Variants in JAM3 observed in about 807,000 individuals in gnomAD.
The protein encoded by JAM3 is junctional adhesion molecule 3.
In JAM3, 31 loss-of-function variants were observed where a neutral mutation model predicts 39.4. That is an observed-to-expected ratio of 0.79 (90% CI 0.59 to 1.06). JAM3 has a LOEUF of 1.06. Ranked by LOEUF, JAM3 falls within the 50% of genes least tolerant of loss-of-function variation. JAM3 has a pLI of 0.00. For synonymous variants in JAM3, 182 were observed against 148.7 expected (o/e 1.22, Z -1.63); for missense variants, 455 against 391.4 (o/e 1.16, Z -1.37).
intron 1 of JAM3, among the ~76,000 whole-genome samples, chr11:134,138,611 A>G (rs1006764852): frequency 1.3e-5 from 2 of 152,164 alleles, no homozygotes; most frequent in African/African-American, 4.8e-5. Flanking sequence ...TTTGAAGGAG[A>G]AGTAGAAGGG....
At chr11:134,084,080 T>C (rs1941708867) in intron 1 of JAM3, among the ~76,000 whole-genome samples, 1 of 152,242 alleles carries the variant, frequency 6.6e-6, no homozygotes, top group Admixed American at 6.5e-5. Context: ...ATTTGTAGCA[T>C]GGTCTTTGGC....
chr11:134,095,112 G>C (rs1941953611), intron 1 of JAM3, among the ~76,000 whole-genome samples: 1 of 152,150 alleles, frequency 6.6e-6, no homozygotes, highest in South Asian at 2.1e-4. Flanking sequence ...AAAACTGTCA[G>C]CATTAGGTCT....
intron 1 of JAM3, among the ~76,000 whole-genome samples, chr11:134,090,749 G>C (rs890635698): frequency 6.6e-6 from 1 of 152,016 alleles, no homozygotes; most frequent in South Asian, 2.1e-4. Context: ...AACTACTAAA[G>C]TGTTGGAAAC....
At chr11:134,088,886 T>A (rs998979534) in intron 1 of JAM3, among the ~76,000 whole-genome samples, 1 of 152,274 alleles carries the variant, frequency 6.6e-6, no homozygotes, top group Middle Eastern at 3.4e-3. Flanking sequence ...GCCTCCCAGG[T>A]TCAAGCGATT....
At chr11:134,125,484 T>C (rs1942631665) in intron 1 of JAM3, among the ~76,000 whole-genome samples, 1 of 152,212 alleles carries the variant, frequency 6.6e-6, no homozygotes, top group Admixed American at 6.5e-5. Context: ...TTTAATATTG[T>C]ATTTCTTCTT....
chr11:134,129,634 T>G (rs955323579), intron 1 of JAM3, among the ~76,000 whole-genome samples: 4 of 152,238 alleles, frequency 2.6e-5, no homozygotes, highest in Admixed American at 1.3e-4. Context: ...TCTTCAGTTA[T>G]TGGTGAAAGA....
intron 1 of JAM3, among the ~76,000 whole-genome samples, chr11:134,112,769 C>T (rs1942341788): frequency 6.6e-6 from 1 of 152,196 alleles, no homozygotes; most frequent in East Asian, 1.9e-4. Context: ...AGTACATGCT[C>T]TTACTCGTTT....
intron 1 of JAM3, among the ~76,000 whole-genome samples, chr11:134,087,972 T>G (rs546281733): frequency 6.6e-6 from 1 of 152,198 alleles, no homozygotes; most frequent in Non-Finnish European, 1.5e-5. Context: ...ATCCCAGTTA[T>G]GGCAGCCAAA....
chr11:134,145,541 T>G (rs964520533), intron 5 of JAM3: 1 of 324,676 alleles, frequency 3.1e-6, no homozygotes, highest in African/African-American at 2.1e-5. Context: ...CACACCAGGC[T>G]TTTACTGCAT....
intron 1 of JAM3, among the ~76,000 whole-genome samples, chr11:134,102,420 A>G (rs1942093046): frequency 6.6e-6 from 1 of 152,222 alleles, no homozygotes; most frequent in Non-Finnish European, 1.5e-5. Context: ...GGGAAAAAAC[A>G]GAGCAGAAAA....
intron 1 of JAM3, among the ~76,000 whole-genome samples, chr11:134,127,106 G>A (rs993048039): frequency 6.6e-6 from 1 of 152,212 alleles, no homozygotes; most frequent in Non-Finnish European, 1.5e-5. Context: ...TGAAGTCATA[G>A]GAAGAAGAAG....
chr11:134,134,999 TG>T (rs937159478), intron 1 of JAM3, among the ~76,000 whole-genome samples: 9 of 152,218 alleles, frequency 5.9e-5, no homozygotes, highest in African/African-American at 2.2e-4. Context: ...AAATTTTTTT[TG>T]ATGAAGTCCA....
At chr11:134,076,894 G>A (rs1941579989) in intron 1 of JAM3, among the ~76,000 whole-genome samples, 2 of 148,658 alleles carry the variant, frequency 1.3e-5, no homozygotes, top group Admixed American at 1.3e-4. Flanking sequence ...GAGTGCAGTG[G>A]TGCGATCTCG....
intron 1 of JAM3, among the ~76,000 whole-genome samples, chr11:134,103,249 ATC>A (rs1275345085): frequency 6.6e-6 from 1 of 152,168 alleles, no homozygotes; most frequent in East Asian, 1.9e-4. Flanking sequence ...AGAATTTCAT[ATC>A]CAGCCAAACT....
rs534444268 is a variant in JAM3, at chr11:134,146,551, CTTT to C, written c.712+514_712+516del. Among the ~76,000 whole-genome samples the C allele has an allele frequency of 2.7e-5, 4 of 148,302 alleles. No homozygotes were observed. In the East Asian group the frequency reaches 5.9e-4, roughly 22 times the overall value. ...GGATGTGTCCAAATCACTTGGGGAGCTTTTTTTTTTCTTAAAAAACAAAAAACA... is the reference window on the plus strand; with the variant it reads ...GGATGTGTCCAAATCACTTGGGGAGCTTTTTTTCTTAAAAAACAAAAAACA... On this transcript the variant is annotated intron_variant, in intron 6 of 8. Coordinates refer to ENST00000299106, the MANE Select transcript of JAM3 (RefSeq NM_032801.5).
chr11:134,072,205 AT>A (rs1444215991), intron 1 of JAM3, among the ~76,000 whole-genome samples: 1 of 152,178 alleles, frequency 6.6e-6, no homozygotes, highest in Non-Finnish European at 1.5e-5. Context: ...TTCTCCATAA[AT>A]TCTTTGAATT....
intron 1 of JAM3, among the ~76,000 whole-genome samples, chr11:134,084,519 T>G (rs1298417443): frequency 6.6e-6 from 1 of 152,240 alleles, no homozygotes; most frequent in Non-Finnish European, 1.5e-5. Context: ...GTCAAATTAA[T>G]TAATTCATGT....
At chr11:134,111,175 A>G (rs1942302265) in intron 1 of JAM3, among the ~76,000 whole-genome samples, 2 of 107,228 alleles carry the variant, frequency 1.9e-5, no homozygotes, top group African/African-American at 8.6e-5. Context: ...ATGGAGTCTC[A>G]CTCTGTCGCC....
chr11:134,107,611 A>C (rs1942220605), intron 1 of JAM3, among the ~76,000 whole-genome samples: 1 of 152,212 alleles, frequency 6.6e-6, no homozygotes, highest in South Asian at 2.1e-4. Flanking sequence ...CCTATATTCG[A>C]AAAGAAGAAA....
Sources: allele counts gnomAD v4.1 joint callset (sites outside exome capture counted in the v4.1 genomes callset), GRCh38; gene constraint gnomAD v4.1.1; transcripts MANE v1.5; gene names NCBI Gene and HGNC (gene_info 2026-07-23, HGNC 2026-07-21).